ZSCAN23: variants seen among roughly 807,000 people sequenced by gnomAD.
ZSCAN23 encodes the protein zinc finger and SCAN domain containing 23.
In ZSCAN23, 19 loss-of-function variants were observed where a neutral mutation model predicts 19.3. That is an observed-to-expected ratio of 0.99 (90% CI 0.69 to 1.45). The LOEUF is 1.45. Ranked by LOEUF, ZSCAN23 falls within the 40% of genes most tolerant of loss-of-function variation. The pLI is 0.00. For synonymous variants in ZSCAN23, 140 were observed against 166.2 expected (o/e 0.84, Z 1.21); for missense variants, 372 against 462.5 (o/e 0.80, Z 1.79).
In ZSCAN23 at chr6:28,432,868, T is replaced by A. The variant is rs912239425; in HGVS notation, c.*1597A>T. 6.6e-6 allele frequency: 1 copy of A among 152,120 alleles called. No individual in the cohort carries two copies. The highest frequency in any genetic ancestry group is 1.5e-5 in the Non-Finnish European group (1 of 67,968). The allele number at this position is 152,120 out of a possible 1,614,324, so 9.4% of individuals were successfully genotyped here. A position where few individuals can be genotyped will look rare whatever the true frequency, so the allele number is the denominator to read the frequency against. On this transcript the variant is annotated 3_prime_UTR_variant, in exon 4 of 4. Coordinates refer to ENST00000289788, the MANE Select transcript of ZSCAN23 (RefSeq NM_001012455.2). The stretch of plus-strand genomic sequence containing the variant: ...CTGAGTAATGGAAGAAATAAGATTA[T>A]ACATTCATATTTGCCTATATTTACA...
chr6:28,430,902 C>T (rs1278664654), downstream of ZSCAN23, among the ~76,000 whole-genome samples: 1 of 152,168 alleles, frequency 6.6e-6, no homozygotes, highest in East Asian at 1.9e-4. Flanking sequence ...CTTAACACTG[C>T]AAGCTCTGAT....
At chr6:28,440,143 A>C (rs927655125) in intron 1 of ZSCAN23, among the ~76,000 whole-genome samples, 1 of 152,220 alleles carries the variant, frequency 6.6e-6, no homozygotes, top group Non-Finnish European at 1.5e-5. Flanking sequence ...GGTAACTGCC[A>C]AGTGCAAATT....
At chr6:28,422,694 G>A in the ZSCAN23 span, among the ~76,000 whole-genome samples, 1 of 144,924 alleles carries the variant, frequency 6.9e-6, no homozygotes, top group East Asian at 2.0e-4. The surrounding 1 kb of genome is among the most constrained non-coding windows in gnomAD (Gnocchi z 4.0). Context: ...GGTAACATGA[G>A]TAGCAGGATT....
chr6:28,435,333 CTTGT>C, intron 3 of ZSCAN23, 123 bp downstream of exon 3: 1 of 1,312,070 alleles, frequency 7.6e-7, no homozygotes, highest in South Asian at 1.5e-5. Flanking sequence ...CCACATCTGC[CTTGT>C]TTATCACTGT....
chr6:28,439,143 G>A (rs1761953173), intron 1 of ZSCAN23, among the ~76,000 whole-genome samples: 1 of 151,676 alleles, frequency 6.6e-6, no homozygotes, highest in Admixed American at 6.6e-5. Context: ...TGTCGCCCAG[G>A]CTGGAGTGCA....
intron 1 of ZSCAN23, among the ~76,000 whole-genome samples, chr6:28,438,627 CAGG>C (rs1376963520): frequency 1.3e-5 from 2 of 152,102 alleles, no homozygotes; most frequent in South Asian, 2.1e-4. Context: ...CATGCAGCAG[CAGG>C]AGAAGTGCCG....
Position 28,434,341 on chromosome 6 carries a change from G to A in ZSCAN23, c.*124C>T. 8.8e-7 allele frequency: 1 copy of A among 1,130,206 alleles called. No homozygotes were observed. The highest frequency in any genetic ancestry group is 1.2e-6 in the Non-Finnish European group (1 of 817,456). The allele number at this position is 1,130,206 out of a possible 1,614,324, so 70.0% of individuals were successfully genotyped here. A position where few individuals can be genotyped will look rare whatever the true frequency, so the allele number is the denominator to read the frequency against. On this transcript the variant is annotated 3_prime_UTR_variant, in exon 4 of 4. Transcript: ENST00000289788. ...CAGAGAACTCGGCAGATGTATTTAA[G>A]ATATTATGCTTCTCTCTGCATAAAA...
chr6:28,429,288 G>C (rs1761710269), downstream of ZSCAN23, among the ~76,000 whole-genome samples: 1 of 152,152 alleles, frequency 6.6e-6, no homozygotes. Flanking sequence ...CATAAAGCCT[G>C]GCCCATTATG....
chr6:28,421,542 G>GA, the ZSCAN23 span, among the ~76,000 whole-genome samples: 1 of 152,056 alleles, frequency 6.6e-6, no homozygotes, highest in Non-Finnish European at 1.5e-5. Flanking sequence ...GAGACAAACA[G>GA]AAAATAATAG....
In ZSCAN23 at chr6:28,439,179, C is replaced by A. The variant is rs1280200120; in HGVS notation, c.-77-2836G>T. 2.6e-5 allele frequency among the ~76,000 whole-genome samples: 4 copies of A among 151,942 alleles called. No individual in the cohort carries two copies. In the South Asian group the frequency reaches 6.2e-4, roughly 24 times the overall value. On this transcript the variant is annotated intron_variant, in intron 1 of 3. Coordinates refer to ENST00000289788, the MANE Select transcript of ZSCAN23 (RefSeq NM_001012455.2). ...ACAGCACGATCTCAGCTCACTGCTT[C>A]CCAGGTTCAAATGATTCTCCCCTCA...
At chr6:28,430,675 A>T (rs1269998130), downstream of ZSCAN23, among the ~76,000 whole-genome samples, 1 of 152,118 alleles carries the variant, frequency 6.6e-6, no homozygotes, top group Non-Finnish European at 1.5e-5. Flanking sequence ...CCACCCCTGC[A>T]GTCAATGATC....
intron 1 of ZSCAN23, among the ~76,000 whole-genome samples, chr6:28,438,602 A>T (rs777044513): frequency 2.0e-5 from 3 of 152,186 alleles, no homozygotes; most frequent in Non-Finnish European, 4.4e-5. Context: ...GGGGAAGCAA[A>T]CATGTCCTTC....
Position 28,434,903 on chromosome 6 carries a change from T to C in ZSCAN23, c.732A>G (p.Ser244=), listed in dbSNP as rs1236057775. The C allele has an allele frequency of 6.4e-7, 1 of 1,553,244 alleles. No individual in the cohort carries two copies. Among genetic ancestry groups the C allele is most frequent in the Non-Finnish European group, 8.7e-7 (1 of 1,147,856 alleles). ...CACTACAGATATAGGGTCTCTCCAC[T>C]GAAGAGCTCACCCTTTGCTTTTCCA... The part of the protein sequence containing the change: ...GRLEKQRVSS[S]VERPYICSEC... Residue 244 remains serine (S), a synonymous_variant, in exon 4 of 4, where the codon TCA becomes TCG. Transcript: ENST00000289788.
At chr6:28,427,827 C>A (rs1761687853), downstream of ZSCAN23, among the ~76,000 whole-genome samples, 1 of 152,160 alleles carries the variant, frequency 6.6e-6, no homozygotes, top group Admixed American at 6.5e-5. Context: ...AACCTGTAAT[C>A]CCAACACTTT....
the ZSCAN23 span, among the ~76,000 whole-genome samples, chr6:28,421,731 T>C: frequency 1.3e-5 from 2 of 152,166 alleles, no homozygotes; most frequent in African/African-American, 2.4e-5. Context: ...TGTGTGCAAC[T>C]CTACAGGACA....
At chr6:28,431,216 A>C (rs540829057), downstream of ZSCAN23, among the ~76,000 whole-genome samples, 1 of 152,308 alleles carries the variant, frequency 6.6e-6, no homozygotes, top group South Asian at 2.1e-4. Flanking sequence ...CTAAGTCTCC[A>C]ACAGCCTTTT....
chr6:28,427,730 G>T (rs377494522), downstream of ZSCAN23, among the ~76,000 whole-genome samples: 2 of 152,254 alleles, frequency 1.3e-5, no homozygotes, highest in Admixed American at 1.3e-4. Flanking sequence ...TGTTAAATAC[G>T]TTTCTAATGA....
chr6:28,442,926 T>C (rs909817083), intron 1 of ZSCAN23, among the ~76,000 whole-genome samples: 1 of 152,174 alleles, frequency 6.6e-6, no homozygotes, highest in Admixed American at 6.5e-5. Flanking sequence ...GGCTGGCACA[T>C]AGTAGATGCT....
At chr6:28,431,768 T>C (rs1389587449), downstream of ZSCAN23, among the ~76,000 whole-genome samples, 7 of 152,184 alleles carry the variant, frequency 4.6e-5, no homozygotes, top group African/African-American at 1.4e-4. Context: ...CTTAAGACAA[T>C]AGTATCTAAA....
Sources: allele counts gnomAD v4.1 joint callset (sites outside exome capture counted in the v4.1 genomes callset), GRCh38; gene constraint gnomAD v4.1.1; non-coding constraint Gnocchi (gnomAD v3.1); transcripts MANE v1.5; gene names NCBI Gene and HGNC (gene_info 2026-07-23, HGNC 2026-07-21).